SHISA9: variants seen among roughly 807,000 people sequenced by gnomAD.
SHISA9 encodes shisa family member 9, also known as protein shisa-9.
Under a neutral mutation model 38.0 loss-of-function variants are expected in SHISA9, and 13 were observed. The observed-to-expected ratio is 0.34, with a 90% CI of 0.22 to 0.54. The LOEUF (loss-of-function observed/expected upper bound fraction) is 0.54, where lower values mean the gene tolerates loss of function less well. SHISA9 is among the 20% of genes least tolerant of loss of function. The pLI, the probability that SHISA9 is intolerant of heterozygous loss-of-function variation, is 0.91. For synonymous variants in SHISA9, 275 were observed against 242.0 expected (o/e 1.14, Z -1.27); for missense variants, 538 against 575.8 (o/e 0.93, Z 0.67).
In SHISA9 at chr16:12,978,940, T is replaced by A. The variant is rs556536253; in HGVS notation, c.691+62125T>A. On this transcript the variant is annotated intron_variant, in intron 2 of 4. Coordinates refer to ENST00000558583, the MANE Select transcript of SHISA9 (RefSeq NM_001145204.3). ...AAAATTTTCTGTATCTGGAGAAGTT[T>A]CCATAATGAAATGTTGGGGGAACAA... 1.4e-4 allele frequency among the ~76,000 whole-genome samples: 21 copies of A among 152,324 alleles called. No individual in the cohort carries two copies. The East Asian group carries it at 3.7e-3, about 27-fold the overall frequency.
chr16:13,454,878 G>A, the SHISA9 span, among the ~76,000 whole-genome samples: 9 of 152,248 alleles, frequency 5.9e-5, no homozygotes, highest in South Asian at 1.5e-3. Context: ...ACTCATTAGC[G>A]GAGGGAAGGG....
chr16:13,195,792 G>A (rs543790219), intron 2 of SHISA9, among the ~76,000 whole-genome samples: 2 of 152,026 alleles, frequency 1.3e-5, no homozygotes, highest in African/African-American at 2.4e-5. Context: ...AAAAATATGA[G>A]ACAAATTCCG....
chr16:12,937,414 A>G (rs2071548763), intron 2 of SHISA9, among the ~76,000 whole-genome samples: 1 of 152,210 alleles, frequency 6.6e-6, no homozygotes, highest in Non-Finnish European at 1.5e-5. Context: ...TATTCTATGC[A>G]TTTACTAACA....
chr16:13,432,943 T>A, the SHISA9 span, among the ~76,000 whole-genome samples: 1 of 151,898 alleles, frequency 6.6e-6, no homozygotes, highest in Non-Finnish European at 1.5e-5. Flanking sequence ...AGGGAGAGGA[T>A]CAGGAAAAAT....
intron 2 of SHISA9, among the ~76,000 whole-genome samples, chr16:12,931,197 A>G (rs1596535558): frequency 6.6e-6 from 1 of 152,164 alleles, no homozygotes; most frequent in Non-Finnish European, 1.5e-5. Context: ...GGATGGAGGG[A>G]GGAGGTTCTT....
At chr16:13,345,384 G>C in the SHISA9 span, among the ~76,000 whole-genome samples, 308 of 152,230 alleles carry the variant, frequency 2.0e-3, 1 homozygote, top group African/African-American at 7.1e-3. Context: ...GTGTTAGTTT[G>C]CTAAGGATAC....
the SHISA9 span, among the ~76,000 whole-genome samples, chr16:13,484,634 T>C: frequency 6.6e-6 from 1 of 152,190 alleles, no homozygotes; most frequent in Non-Finnish European, 1.5e-5. Context: ...GGGTAATTTA[T>C]AAAGAAAAGA....
intron 2 of SHISA9, among the ~76,000 whole-genome samples, chr16:13,075,944 C>T (rs182232556): frequency 6.6e-6 from 1 of 152,222 alleles, no homozygotes; most frequent in Admixed American, 6.5e-5. Context: ...CGGTAGCACA[C>T]CCCAGCTCGG....
At chr16:13,122,737 G>A (rs538864169) in intron 2 of SHISA9, among the ~76,000 whole-genome samples, 2 of 152,122 alleles carry the variant, frequency 1.3e-5, no homozygotes, top group Non-Finnish European at 1.5e-5. Flanking sequence ...CATATTATTA[G>A]GTTTTAAGAT....
chr16:13,419,559 G>A, the SHISA9 span, among the ~76,000 whole-genome samples: 1 of 152,166 alleles, frequency 6.6e-6, no homozygotes, highest in African/African-American at 2.4e-5. Flanking sequence ...AAGACATGTG[G>A]GAAGTCTAGA....
At chr16:12,986,729 T>C (rs1480822727) in intron 2 of SHISA9, among the ~76,000 whole-genome samples, 1 of 152,230 alleles carries the variant, frequency 6.6e-6, no homozygotes, top group Non-Finnish European at 1.5e-5. Flanking sequence ...GTACCAGCCA[T>C]GGTTCTGAGG....
At chr16:13,283,104 G>C in the SHISA9 span, among the ~76,000 whole-genome samples, 1 of 152,008 alleles carries the variant, frequency 6.6e-6, no homozygotes, top group Non-Finnish European at 1.5e-5. Context: ...ATAATATAAA[G>C]ACTTTGAATT....
the SHISA9 span, among the ~76,000 whole-genome samples, chr16:13,461,431 T>A: frequency 6.6e-6 from 1 of 151,692 alleles, no homozygotes; most frequent in Non-Finnish European, 1.5e-5. Flanking sequence ...AATACAAAAT[T>A]AGCCGGACGT....
chr16:13,312,463 A>G, the SHISA9 span, among the ~76,000 whole-genome samples: 4 of 152,220 alleles, frequency 2.6e-5, no homozygotes, highest in Admixed American at 2.0e-4. Context: ...ACACTTGCTG[A>G]AAATCAGTTT....
the SHISA9 span, among the ~76,000 whole-genome samples, chr16:13,351,460 C>T: frequency 1.3e-5 from 2 of 152,108 alleles, no homozygotes; most frequent in Admixed American, 6.5e-5. Context: ...GGACTGTCAA[C>T]GTGCAAAGGA....
At chr16:12,902,785 A>G (rs3848239) in intron 1 of SHISA9, 158 bp downstream of exon 1, 407,160 of 744,794 alleles carry the variant, frequency 0.55, 113,368 homozygotes, top group East Asian at 0.69. Flanking sequence ...TCGGCTTGGA[A>G]CACGGAGAAG....
chr16:12,950,826 T>C (rs2071744495), intron 2 of SHISA9, among the ~76,000 whole-genome samples: 1 of 151,750 alleles, frequency 6.6e-6, no homozygotes, highest in Non-Finnish European at 1.5e-5. Context: ...GCCAGGATGA[T>C]CTTGATCTCC....
chr16:13,283,847 ACT>A, the SHISA9 span, among the ~76,000 whole-genome samples: 1 of 151,730 alleles, frequency 6.6e-6, no homozygotes, highest in Non-Finnish European at 1.5e-5. Flanking sequence ...ATCTCTCGGC[ACT>A]CTTTTTCCTT....
At chr16:13,534,658 A>G in the SHISA9 span, among the ~76,000 whole-genome samples, 405 of 152,334 alleles carry the variant, frequency 2.7e-3, 1 homozygote, top group Non-Finnish European at 4.6e-3. Context: ...GTGTGAAAAC[A>G]CTGTGTCCCT....
Sources: gnomAD v4.1 joint callset for allele counts (sites outside exome capture counted in the v4.1 genomes callset) on GRCh38, gnomAD v4.1.1 for gene constraint, MANE v1.5 for transcripts, NCBI Gene and HGNC (gene_info 2026-07-23, HGNC 2026-07-21) for gene names.